TTC27: variants seen among roughly 807,000 people sequenced by gnomAD.
The protein encoded by TTC27 is tetratricopeptide repeat protein 27.
A neutral mutation model predicts 115.9 loss-of-function variants in TTC27; 79 were observed. The observed-to-expected ratio is 0.68, with a 90% confidence interval of 0.57 to 0.82. The LOEUF (loss-of-function observed/expected upper bound fraction) is 0.82. Among genes scored for constraint, TTC27 ranks in the 40% least tolerant of loss-of-function variants. The probability of loss-of-function intolerance (pLI) is 0.00; values close to 1 mark genes in which losing one functional copy is unlikely to be tolerated. For missense variants in TTC27, 1,054 were observed against 993.1 expected (o/e 1.06, Z -0.82); for synonymous variants, 401 against 356.0 (o/e 1.13, Z -1.42).
At chr2:32,665,179 T>G (rs1338253118) in intron 6 of TTC27, among the ~76,000 whole-genome samples, 1 of 152,030 alleles carries the variant, frequency 6.6e-6, no homozygotes, top group Non-Finnish European at 1.5e-5. Flanking sequence ...GCTAGTTCTA[T>G]CAGTAAAATC....
chr2:32,817,945 C>T (rs1487976992), intron 19 of TTC27, among the ~76,000 whole-genome samples: 2 of 151,872 alleles, frequency 1.3e-5, no homozygotes, highest in African/African-American at 4.8e-5. Flanking sequence ...TAATCCCAGC[C>T]ACTCAGGAGG....
At chr2:32,745,625 A>G (rs1291534429) in intron 12 of TTC27, among the ~76,000 whole-genome samples, 1 of 152,114 alleles carries the variant, frequency 6.6e-6, no homozygotes, top group South Asian at 2.1e-4. Flanking sequence ...TTATGGGTGA[A>G]TATAGGCCAG....
intron 4 of TTC27, among the ~76,000 whole-genome samples, chr2:32,640,995 A>AACAAC (rs1371481124): frequency 2.0e-5 from 3 of 151,930 alleles, no homozygotes; most frequent in Non-Finnish European, 4.4e-5. Flanking sequence ...AACAAAACAA[A>AACAAC]ACAACAACAA....
intron 2 of TTC27, among the ~76,000 whole-genome samples, chr2:32,633,282 C>G: frequency 6.6e-6 from 1 of 152,186 alleles, no homozygotes; most frequent in Middle Eastern, 3.2e-3. Context: ...ACTAGCCACA[C>G]TTAACTATTG....
At chr2:32,762,149 A>G (rs932651020) in intron 13 of TTC27, among the ~76,000 whole-genome samples, 4 of 152,348 alleles carry the variant, frequency 2.6e-5, no homozygotes, top group African/African-American at 9.6e-5. Context: ...TTTGGTAGAC[A>G]ATGAAGAGAG....
rs763759523 is a variant in TTC27 at position 32,630,504 on chromosome 2, C to G, written c.89-19C>G. On this transcript the variant is annotated intron_variant, in intron 1 of 19. Transcript: ENST00000317907. The stretch of plus-strand genomic sequence containing the variant: ...AAATAATTTTTTTTGGATTACCGCA[C>G]TAATTTTTTATATTACAGAGAGTGG... 6.4e-7 allele frequency: 1 copy of G among 1,568,394 alleles called. No homozygotes were observed. Among genetic ancestry groups the G allele is most frequent in the East Asian group, 2.2e-5 (1 of 44,510 alleles).
In TTC27 at chr2:32,754,420, G is replaced by A. The variant is rs554953177; in HGVS notation, c.1453-3872G>A. Among the ~76,000 whole-genome samples the A allele has an allele frequency of 4.7e-3, 704 of 149,670 alleles. 9 individuals carry two copies. The highest frequency in any genetic ancestry group is 0.017 in the African/African-American group (678 of 40,500). The stretch of plus-strand genomic sequence containing the variant: ...CACCGCCCTTAATCCATTTAACCCT[G>A]AGTGGACACAGCACATGTTTCAGAG... On this transcript the variant is annotated intron_variant, in intron 12 of 19. Coordinates refer to ENST00000317907, the MANE Select transcript of TTC27 (RefSeq NM_017735.5).
chr2:32,714,325 AT>A (rs1197293449), intron 10 of TTC27, among the ~76,000 whole-genome samples: 1 of 151,692 alleles, frequency 6.6e-6, no homozygotes, highest in Non-Finnish European at 1.5e-5. Context: ...TGCCTGGCTA[AT>A]TTTTTGTATT....
At chr2:32,685,900 T>C (rs1666612378) in intron 9 of TTC27, among the ~76,000 whole-genome samples, 1 of 152,134 alleles carries the variant, frequency 6.6e-6, no homozygotes, top group Admixed American at 6.5e-5. Flanking sequence ...GGTATATAGA[T>C]TGGAAATTAG....
chr2:32,643,008 C>T (rs758203970), intron 4 of TTC27, among the ~76,000 whole-genome samples: 13 of 149,428 alleles, frequency 8.7e-5, no homozygotes, highest in East Asian at 4.0e-4. Flanking sequence ...CTTGCTCTGT[C>T]GCCCAGGCTG....
intron 4 of TTC27, among the ~76,000 whole-genome samples, chr2:32,648,606 T>C (rs1414062637): frequency 6.6e-6 from 1 of 151,950 alleles, no homozygotes; most frequent in Non-Finnish European, 1.5e-5. Context: ...TTGTTCCTTG[T>C]TTTTATTTTT....
chr2:32,690,246 G>T (rs1371590092), intron 9 of TTC27, among the ~76,000 whole-genome samples: 2 of 152,112 alleles, frequency 1.3e-5, no homozygotes, highest in Non-Finnish European at 1.5e-5. Context: ...TGGTGTCTTT[G>T]CTGCCTATAT....
At chr2:32,760,119 A>ACGC (rs1328553846) in intron 13 of TTC27, among the ~76,000 whole-genome samples, 3 of 152,216 alleles carry the variant, frequency 2.0e-5, no homozygotes, top group African/African-American at 7.2e-5. Context: ...ATTGAAAAAA[A>ACGC]ATCAGAAGTG....
chr2:32,653,057 A>C (rs1007968459), intron 5 of TTC27, among the ~76,000 whole-genome samples: 9 of 152,220 alleles, frequency 5.9e-5, no homozygotes, highest in African/African-American at 2.2e-4. Flanking sequence ...TTTGGATGTC[A>C]CACTAAATGA....
intron 11 of TTC27, 94 bp from the exon 12 acceptor site, chr2:32,736,599 GA>G (rs1450788919): frequency 7.4e-7 from 1 of 1,345,458 alleles, no homozygotes; most frequent in African/African-American, 1.5e-5. Context: ...ACAATAAGCA[GA>G]CCCCTAAAAA....
chr2:32,629,705 C>T (rs1664092576), intron 1 of TTC27, among the ~76,000 whole-genome samples: 1 of 152,126 alleles, frequency 6.6e-6, no homozygotes, highest in South Asian at 2.1e-4. Context: ...TCCCAAAGTG[C>T]TGGGATTACA....
At chr2:32,800,030 T>C (rs1670868107) in intron 16 of TTC27, among the ~76,000 whole-genome samples, 1 of 152,182 alleles carries the variant, frequency 6.6e-6, no homozygotes, top group South Asian at 2.1e-4. Context: ...CTTAACCACT[T>C]TGTGCCTCAG....
intron 8 of TTC27, among the ~76,000 whole-genome samples, chr2:32,675,814 G>T (rs890303505): frequency 2.0e-5 from 3 of 151,518 alleles, no homozygotes; most frequent in Non-Finnish European, 4.4e-5. Flanking sequence ...TTTTTGAGAC[G>T]GAGTTTCACT....
chr2:32,755,872 A>C (rs1011369606), intron 12 of TTC27, among the ~76,000 whole-genome samples: 5 of 152,184 alleles, frequency 3.3e-5, no homozygotes, highest in Non-Finnish European at 7.3e-5. Context: ...CTTACCTCAC[A>C]GTTGTTGTAT....
Sources: gnomAD v4.1 joint callset for allele counts (sites outside exome capture counted in the v4.1 genomes callset) on GRCh38, gnomAD v4.1.1 for gene constraint, MANE v1.5 for transcripts, NCBI Gene and HGNC (gene_info 2026-07-23, HGNC 2026-07-21) for gene names.